MED15: variants seen among roughly 807,000 people sequenced by gnomAD.
MED15 encodes mediator of RNA polymerase II transcription subunit 15.
In MED15, 41 loss-of-function variants were observed where a neutral mutation model predicts 118.7. That is an observed-to-expected ratio of 0.35 (90% CI 0.27 to 0.45). The LOEUF (loss-of-function observed/expected upper bound fraction) is 0.45. MED15 is among the 20% of genes least tolerant of loss of function. The probability of loss-of-function intolerance (pLI) is 1.00; values close to 1 mark genes in which losing one functional copy is unlikely to be tolerated. For missense variants in MED15, 740 were observed against 1,025.5 expected (o/e 0.72, Z 3.80); for synonymous variants, 436 against 413.9 (o/e 1.05, Z -0.65).
intron 2 of MED15, among the ~76,000 whole-genome samples, 191 bp downstream of exon 2, chr22:20,537,395 C>T (rs1440548340): frequency 6.6e-6 from 1 of 152,132 alleles, no homozygotes; most frequent in Non-Finnish European, 1.5e-5. Flanking sequence ...ACAGGGAGGG[C>T]ACTTGGGTTG....
Position 20,568,423 on chromosome 22 carries a change from C to T in MED15, c.1042-98C>T. ...AGGTCATGAAAGTCCCATTCCTCAC[C>T]TCAAGAAAGGCTCCATTTCCTAAGC... is the stretch of plus-strand genomic sequence containing the variant. On this transcript the variant is annotated intron_variant, in intron 7 of 17. Coordinates refer to ENST00000263205, the MANE Select transcript of MED15 (RefSeq NM_001003891.3). 4 of 1,519,752 alleles carry T rather than the reference C, an allele frequency of 2.6e-6. No homozygotes were observed. The South Asian group carries it at 3.7e-5, about 14-fold the overall frequency. The allele number at this position is 1,519,752 out of a possible 1,614,324, so 94.1% of individuals were successfully genotyped here.
At chr22:20,565,772 A>C (rs927774912) in intron 6 of MED15, among the ~76,000 whole-genome samples, 1 of 152,392 alleles carries the variant, frequency 6.6e-6, no homozygotes, top group Non-Finnish European at 1.5e-5. Context: ...CAGAGGCTTC[A>C]GAAATCTGCA....
At chr22:20,537,764 G>A (rs917275023) in intron 2 of MED15, among the ~76,000 whole-genome samples, 1 of 152,252 alleles carries the variant, frequency 6.6e-6, no homozygotes, top group Non-Finnish European at 1.5e-5. Context: ...TTTAATCTGT[G>A]TGTGCTCCCT....
At chr22:20,535,493 CAATTCACTCAGAG>C in intron 1 of MED15, among the ~76,000 whole-genome samples, 1 of 152,146 alleles carries the variant, frequency 6.6e-6, no homozygotes, top group African/African-American at 2.4e-5. Context: ...TGGGCCTATT[CAATTCACTCAGAG>C]GCAAGGCCCC....
intron 1 of MED15, among the ~76,000 whole-genome samples, chr22:20,518,180 A>G (rs1276400883): frequency 6.8e-6 from 1 of 146,284 alleles, no homozygotes; most frequent in Non-Finnish European, 1.5e-5. Flanking sequence ...TTTAACTGGT[A>G]TGAATGATTT....
At chr22:20,550,969 C>G in intron 2 of MED15, 1 of 360,692 alleles carries the variant, frequency 2.8e-6, no homozygotes, top group Non-Finnish European at 5.5e-6. Context: ...GCAGATACTG[C>G]GTCATCAGTG....
intron 1 of MED15, chr22:20,524,251 C>A (rs1392205187): frequency 6.6e-6 from 1 of 152,140 alleles, no homozygotes; most frequent in Admixed American, 6.6e-5. Flanking sequence ...CTCATCATTT[C>A]CTGCCTTAGA....
chr22:20,548,060 G>C (rs1463085941), intron 2 of MED15, among the ~76,000 whole-genome samples: 1 of 152,104 alleles, frequency 6.6e-6, no homozygotes, highest in Admixed American at 6.5e-5. Context: ...AGTTGCCCAG[G>C]CTGAACTCCT....
At chr22:20,518,451 C>T (rs1354889037) in intron 1 of MED15, among the ~76,000 whole-genome samples, 1 of 152,226 alleles carries the variant, frequency 6.6e-6, no homozygotes, top group African/African-American at 2.4e-5. Flanking sequence ...CTTCCTCTGT[C>T]TCTGTGACCC....
rs774209342 is a variant in MED15 at position 20,507,691 on chromosome 22, G to A, written c.13G>A (p.Gly5Arg). 6.2e-7 allele frequency: 1 copy of A among 1,614,076 alleles called. No individual in the cohort carries two copies. Among genetic ancestry groups the A allele is most frequent in the Non-Finnish European group, 8.5e-7 (1 of 1,179,952 alleles). The change falls in exon 1 of 18, where the codon GGG becomes AGG. Residue 5 changes from glycine (G) to arginine (R), a missense_variant. Transcript: ENST00000263205. Reference protein sequence around the residue: MDVSGQETDWRSTAF... With the variant: MDVSRQETDWRSTAF... ...CTGGGGAACAGGCATGGACGTTTCCGGGCAAGAGACCGACTGGCGGAGCAC... is the reference window on the plus strand; with the variant it reads ...CTGGGGAACAGGCATGGACGTTTCCAGGCAAGAGACCGACTGGCGGAGCAC...
intron 8 of MED15, among the ~76,000 whole-genome samples, chr22:20,571,434 C>T (rs1160345556): frequency 6.6e-6 from 1 of 152,242 alleles, no homozygotes; most frequent in Non-Finnish European, 1.5e-5. Context: ...GCACCATGTG[C>T]TGCCATGCAG....
intron 1 of MED15, 70 bp downstream of exon 1, chr22:20,507,816 G>A (rs1269247498): frequency 3.8e-6 from 6 of 1,596,360 alleles, no homozygotes; most frequent in Non-Finnish European, 5.1e-6. Context: ...CGAGGCCAGG[G>A]CCGGACCCGT....
chr22:20,515,213 C>T (rs2054206836), intron 1 of MED15, among the ~76,000 whole-genome samples: 1 of 152,158 alleles, frequency 6.6e-6, no homozygotes, highest in African/African-American at 2.4e-5. Flanking sequence ...CTATGCCAAG[C>T]CCTGTTGCAG....
rs1045280460 is a variant in MED15, at chr22:20,564,785, C to T, written c.690+97C>T. 45 of 1,566,484 alleles carry T rather than the reference C, an allele frequency of 2.9e-5. No individual in the cohort carries two copies. In the African/African-American group the frequency reaches 4.5e-4, roughly 16 times the overall value. On this transcript the variant is annotated intron_variant, in intron 6 of 17. Coordinates refer to ENST00000263205, the MANE Select transcript of MED15 (RefSeq NM_001003891.3). ...TGCTGGGTGCAGTGCCCGGAGCCAGCCGAGGGTTCTCTTGACACGTGTGCC... is the reference window on the plus strand; with the variant it reads ...TGCTGGGTGCAGTGCCCGGAGCCAGTCGAGGGTTCTCTTGACACGTGTGCC...
chr22:20,564,538 G>T lies in MED15; in HGVS notation c.540G>T (p.Gln180His). 1 of 1,604,772 alleles carries T rather than the reference G, an allele frequency of 6.2e-7. No homozygotes were observed. The highest frequency in any genetic ancestry group is 2.2e-5 in the East Asian group (1 of 44,810). ...QQQQQAALQQ[Q>H]QQQQQQQQFQ... ...AGCAGCAGGCGGCGCTACAGCAGCA[G>T]CAGCAGCAGCAGCAACAGCAGCAGT... The change falls in exon 6 of 18, where the codon CAG becomes CAT. Residue 180 changes from glutamine (Q) to histidine (H), a missense_variant. Physicochemically the swap from Gln to His is conservative, Grantham distance 24 (BLOSUM62 0). Around this residue, in one of 7 missense-constraint regions of MED15, gnomAD observed 3 missense variants for 20.0 expected, o/e 0.15. Coordinates refer to ENST00000263205, the MANE Select transcript of MED15 (RefSeq NM_001003891.3).
At chr22:20,533,880 C>T (rs115972182) in intron 1 of MED15, among the ~76,000 whole-genome samples, 2,171 of 152,328 alleles carry the variant, frequency 0.014, 45 homozygotes, top group Middle Eastern at 0.058. Flanking sequence ...ATCCCACCAC[C>T]TCAGAGCTAT....
intron 1 of MED15, among the ~76,000 whole-genome samples, chr22:20,530,253 A>C (rs772794052): frequency 5.9e-5 from 9 of 152,156 alleles, no homozygotes; most frequent in Non-Finnish European, 1.2e-4. Flanking sequence ...ATTTACTGGG[A>C]GGCTTCTTGG....
At chr22:20,557,821 TG>T (rs2056077566) in intron 5 of MED15, among the ~76,000 whole-genome samples, 1 of 151,984 alleles carries the variant, frequency 6.6e-6, no homozygotes, top group Admixed American at 6.6e-5. Context: ...AAAGTTACAG[TG>T]GGGGCTGGGC....
rs951569492 is a variant in MED15, at chr22:20,564,564, T to A, written c.566T>A (p.Phe189Tyr). The A allele has an allele frequency of 9.3e-6, 15 of 1,606,610 alleles. No homozygotes were observed. In the African/African-American group the frequency reaches 1.6e-4, roughly 17 times the overall value. Residue 189 changes from phenylalanine to tyrosine, a missense_variant, in exon 6 of 18, where the codon TTC becomes TAC. Phe to Tyr is a conservative substitution (Grantham distance 22). Around this residue, in one of 7 missense-constraint regions of MED15, gnomAD observed 384 missense variants for 506.3 expected, o/e 0.76. Transcript: ENST00000263205. ...CAGCAGCAGCAGCAACAGCAGCAGT[T>A]CCAGGCTCAGCAGAGTGCCATGCAG... ...QQQQQQQQQQ[F>Y]QAQQSAMQQQ...
Sources: allele counts gnomAD v4.1 joint callset (sites outside exome capture counted in the v4.1 genomes callset), GRCh38; gene constraint gnomAD v4.1.1; regional missense constraint gnomAD v4.1.1; transcripts MANE v1.5; gene names NCBI Gene and HGNC (gene_info 2026-07-23, HGNC 2026-07-21).